KCNQ1OT1: variants seen among roughly 807,000 people sequenced by gnomAD.
KCNQ1OT1 encodes KCNQ1 opposite strand/antisense transcript 1, also known as KCNQ1 antisense RNA 2 (non-protein coding).
chr11:2,620,208 TA>T lies in KCNQ1OT1; in HGVS notation n.79786del. ...ACGTAAGTTCATTCATGTATATATA[TA>T]TATTTTTTTTTTTTATTTTTTTTTT... On this transcript the variant is annotated non_coding_transcript_exon_variant, in exon 1 of 1. Transcript: ENST00000597346. This position sits in a 1 kb window ranked among gnomAD's most constrained non-coding sequence, Gnocchi z 4.5. 3.2e-6 allele frequency: 1 copy of T among 307,986 alleles called. No homozygotes were observed. The highest frequency in any genetic ancestry group is 5.6e-6 in the Non-Finnish European group (1 of 180,140). 19.1% of individuals were successfully genotyped at this position (307,986 alleles called of 1,614,324 possible). A position where few individuals can be genotyped will look rare whatever the true frequency, so the allele number is the denominator to read the frequency against.
At position 2,643,825 on chromosome 11, in the gene KCNQ1OT1, T is replaced by G. The variant is rs760331945; in HGVS notation, n.56170A>C. On this transcript the variant is annotated non_coding_transcript_exon_variant, in exon 1 of 1. Coordinates refer to ENST00000597346, the Ensembl canonical transcript of KCNQ1OT1. ...GCTTTTACTTTTAAGGGAAATACTT[T>G]ATTTCTCCTTCATTTCTGACGAATA... The G allele has an allele frequency of 2.7e-4, 107 of 398,594 alleles. No individual in the cohort carries two copies. The highest frequency in any genetic ancestry group is 1.9e-3 in the Middle Eastern group (3 of 1,586). The allele number at this position is 398,594 out of a possible 1,614,324, so 24.7% of individuals were successfully genotyped here.
At position 2,642,239 on chromosome 11, in the gene KCNQ1OT1, C is replaced by T. The variant is rs1159882298; in HGVS notation, n.57756G>A. On this transcript the variant is annotated non_coding_transcript_exon_variant, in exon 1 of 1. Coordinates refer to ENST00000597346, the Ensembl canonical transcript of KCNQ1OT1. This position sits in a 1 kb window ranked among gnomAD's most constrained non-coding sequence, Gnocchi z 4.3. The stretch of plus-strand genomic sequence containing the variant: ...GGTCATTTTAATTTTGTTAATTCTC[C>T]CAATCCATGAGAATGGGATGTTTTT... 5 of 398,202 alleles carry T rather than the reference C, an allele frequency of 1.3e-5. No individual in the cohort carries two copies. The Admixed American group carries it at 1.8e-4, about 14-fold the overall frequency. The allele number at this position is 398,202 out of a possible 1,614,324, so 24.7% of individuals were successfully genotyped here.
Position 2,685,968 on chromosome 11 carries a change from C to T in KCNQ1OT1, n.14027G>A, listed in dbSNP as rs1022783574. ...TCCTGCTGGGTCACACGGATGAGGC[C>T]TGTACACTCTGGGCCTCAGACTCCA... On this transcript the variant is annotated non_coding_transcript_exon_variant, in exon 1 of 1. Transcript: ENST00000597346. 1.8e-5 allele frequency: 7 copies of T among 398,642 alleles called. No individual in the cohort carries two copies. The Admixed American group carries it at 1.8e-4, about 10-fold the overall frequency. The allele number at this position is 398,642 out of a possible 1,614,324, so 24.7% of individuals were successfully genotyped here.
Position 2,698,523 on chromosome 11 carries a change from C to T in KCNQ1OT1, n.1472G>A. The T allele has an allele frequency of 2.5e-6, 1 of 398,534 alleles. No individual in the cohort carries two copies. 24.7% of individuals were successfully genotyped at this position (398,534 alleles called of 1,614,324 possible). On this transcript the variant is annotated non_coding_transcript_exon_variant, in exon 1 of 1. Transcript: ENST00000597346. This position sits in a 1 kb window ranked among gnomAD's most constrained non-coding sequence, Gnocchi z 5.1. The stretch of plus-strand genomic sequence containing the variant: ...CCTCTCACCTGGCAGGTGATCACCA[C>T]CCCCAACTCAGACTGCAACCTTTAC...
Position 2,682,042 on chromosome 11 carries a change from T to C in KCNQ1OT1, n.17953A>G. On this transcript the variant is annotated non_coding_transcript_exon_variant, in exon 1 of 1. Coordinates refer to ENST00000597346, the Ensembl canonical transcript of KCNQ1OT1. This position sits in a 1 kb window ranked among gnomAD's most constrained non-coding sequence, Gnocchi z 5.8. Reference sequence around the variant, plus strand: ...ACACAAGAATATTATCACTCCTGTTTTATAGATAATCTCCTAAGGGTTGAG... The same window carrying C: ...ACACAAGAATATTATCACTCCTGTTCTATAGATAATCTCCTAAGGGTTGAG... 2.5e-6 allele frequency: 1 copy of C among 398,628 alleles called. No homozygotes were observed. Among genetic ancestry groups the C allele is most frequent in the Non-Finnish European group, 4.4e-6 (1 of 226,068 alleles). The allele number at this position is 398,628 out of a possible 1,614,324, so 24.7% of individuals were successfully genotyped here.
At chr11:2,685,569 C>A (rs764107481) in exon 1 of KCNQ1OT1, 15 of 398,566 alleles carry the variant, frequency 3.8e-5, no homozygotes, top group Non-Finnish European at 6.2e-5. Context: ...GCTCTTGGCC[C>A]TTCCATACAG....
rs1850161537 is a variant in KCNQ1OT1, at chr11:2,670,379, G to A, written n.29616C>T. Reference sequence around the variant, plus strand: ...TGGTTAGTATAGGCTGAAATTCCAAGAGCATTAACCAGACACCTACTATGT... The same window carrying A: ...TGGTTAGTATAGGCTGAAATTCCAAAAGCATTAACCAGACACCTACTATGT... On this transcript the variant is annotated non_coding_transcript_exon_variant, in exon 1 of 1. Transcript: ENST00000597346. The surrounding 1 kb of genome is among the most constrained non-coding windows in gnomAD (Gnocchi z 4.9). 1.0e-5 allele frequency: 4 copies of A among 398,354 alleles called. No homozygotes were observed. The Admixed American group carries it at 1.3e-4, about 13-fold the overall frequency. The allele number at this position is 398,354 out of a possible 1,614,324, so 24.7% of individuals were successfully genotyped here.
exon 1 of KCNQ1OT1, chr11:2,684,657 C>G (rs1394041825): frequency 1.0e-5 from 4 of 398,514 alleles, no homozygotes; most frequent in Non-Finnish European, 1.8e-5. Context: ...GAAAGAAAGG[C>G]TTGTTGGATG....
exon 1 of KCNQ1OT1, chr11:2,636,566 G>A (rs1357600832): frequency 2.0e-5 from 3 of 152,096 alleles, no homozygotes; most frequent in Non-Finnish European, 2.9e-5. Flanking sequence ...GCTTTTTGAT[G>A]TGCTGCTGGA....
chr11:2,662,672 GCTGGGGTGCC>G (rs1849984960), exon 1 of KCNQ1OT1: 3 of 405,194 alleles, frequency 7.4e-6, no homozygotes, highest in African/African-American at 6.2e-5. Context: ...GTGACTCCCC[GCTGGGGTGCC>G]CAGCGGTGAC....
In KCNQ1OT1 at chr11:2,664,193, A is replaced by G. The variant is rs1850021324; in HGVS notation, n.35802T>C. On this transcript the variant is annotated non_coding_transcript_exon_variant, in exon 1 of 1. Transcript: ENST00000597346. This position sits in a 1 kb window ranked among gnomAD's most constrained non-coding sequence, Gnocchi z 5.1. ...GCTGCTAGATATGAGCCAGCCTGGG[A>G]AGGCAGGAAGGAGCCCAGGCATGGG... 1 of 398,640 alleles carries G rather than the reference A, an allele frequency of 2.5e-6. No homozygotes were observed. The highest frequency in any genetic ancestry group is 4.4e-5 in the Admixed American group (1 of 22,730). 24.7% of individuals were successfully genotyped at this position (398,640 alleles called of 1,614,324 possible).
chr11:2,615,063 A>G, exon 1 of KCNQ1OT1: 1 of 398,224 alleles, frequency 2.5e-6, no homozygotes, highest in South Asian at 1.3e-4. Flanking sequence ...GTCTTCTTTA[A>G]TTTTTGTCAA....
rs1164382423 is a variant in KCNQ1OT1 at position 2,613,651 on chromosome 11, G to A, written n.86344C>T. ...CTTTTCAGGGAGTGGTTATATCAAG[G>A]TGCTCATTCCACCACCTCAGAAGTG... On this transcript the variant is annotated non_coding_transcript_exon_variant, in exon 1 of 1. Transcript: ENST00000597346. This position sits in a 1 kb window ranked among gnomAD's most constrained non-coding sequence, Gnocchi z 4.8. 2 of 398,416 alleles carry A rather than the reference G, an allele frequency of 5.0e-6. No individual in the cohort carries two copies. The allele number at this position is 398,416 out of a possible 1,614,324, so 24.7% of individuals were successfully genotyped here. A position where few individuals can be genotyped will look rare whatever the true frequency, so the allele number is the denominator to read the frequency against.
At chr11:2,672,034 C>T (rs999002595) in exon 1 of KCNQ1OT1, 12 of 398,538 alleles carry the variant, frequency 3.0e-5, no homozygotes, top group East Asian at 2.1e-4. Context: ...TACCCTGGCC[C>T]GGTCTGCACT....
At chr11:2,650,511 A>G (rs745794899) in exon 1 of KCNQ1OT1, 2 of 398,462 alleles carry the variant, frequency 5.0e-6, no homozygotes, top group Non-Finnish European at 8.8e-6. Context: ...AATTAATTAG[A>G]CTATAATCCA....
exon 1 of KCNQ1OT1, chr11:2,694,945 G>C (rs1850650092): frequency 2.5e-6 from 1 of 398,636 alleles, no homozygotes; most frequent in South Asian, 1.3e-4. Flanking sequence ...CCTTGGGGCA[G>C]GAGGGATACT....
At chr11:2,696,839 C>CT (rs887542752) in exon 1 of KCNQ1OT1, 49 of 398,174 alleles carry the variant, frequency 1.2e-4, no homozygotes, top group East Asian at 8.2e-4. Context: ...CTCTATTATG[C>CT]TTTTTTTTAG....
At chr11:2,655,908 C>G in exon 1 of KCNQ1OT1, 1 of 398,698 alleles carries the variant, frequency 2.5e-6, no homozygotes, top group Non-Finnish European at 4.4e-6. Context: ...CCCCATATGC[C>G]GTTCCCAGGA....
At position 2,645,858 on chromosome 11, in the gene KCNQ1OT1, T is replaced by A. The variant is rs1849657942; in HGVS notation, n.54137A>T. On this transcript the variant is annotated non_coding_transcript_exon_variant, in exon 1 of 1. Coordinates refer to ENST00000597346, the Ensembl canonical transcript of KCNQ1OT1. The surrounding 1 kb of genome is among the most constrained non-coding windows in gnomAD (Gnocchi z 5.8). ...CTGAGGATTCAGGGGATGTGTGAATTGCCTGAGGATTCAGGGTGATCTCCC... is the reference window on the plus strand; with the variant it reads ...CTGAGGATTCAGGGGATGTGTGAATAGCCTGAGGATTCAGGGTGATCTCCC... 2.5e-6 allele frequency: 1 copy of A among 398,306 alleles called. No individual in the cohort carries two copies. The highest frequency in any genetic ancestry group is 2.1e-5 in the African/African-American group (1 of 48,616). The allele number at this position is 398,306 out of a possible 1,614,324, so 24.7% of individuals were successfully genotyped here.
Sources: gnomAD v4.1 joint callset for allele counts on GRCh38, gnomAD v4.1.1 for gene constraint, Gnocchi (gnomAD v3.1) non-coding constraint, MANE v1.5 for transcripts, NCBI Gene and HGNC (gene_info 2026-07-23, HGNC 2026-07-21) for gene names.